Variants in PAXBP1 observed in about 807,000 individuals in gnomAD.
PAXBP1 encodes the protein PAX3- and PAX7-binding protein 1.
In PAXBP1, 44 loss-of-function variants were observed where a neutral mutation model predicts 119.9. The observed-to-expected ratio is 0.37, with a 90% CI of 0.29 to 0.47. The LOEUF (loss-of-function observed/expected upper bound fraction) is 0.47. PAXBP1 is among the 20% of genes least tolerant of loss of function. The pLI, the probability that PAXBP1 is intolerant of heterozygous loss-of-function variation, is 0.99. For missense variants in PAXBP1, 898 were observed against 1,134.1 expected (o/e 0.79, Z 2.99); for synonymous variants, 393 against 406.6 (o/e 0.97, Z 0.40).
At position 32,771,752 on chromosome 21, in the gene PAXBP1, CT is replaced by C; in HGVS notation, c.-85del. On this transcript the variant is annotated 5_prime_UTR_variant, in exon 1 of 18. Coordinates refer to ENST00000331923, the MANE Select transcript of PAXBP1 (RefSeq NM_016631.4). ...GAGCTCGTGACGGCGCACGCGCGCT[CT>C]CCGGAGCTCCAGCCGGGTCGAGTCC... The C allele has an allele frequency of 8.3e-7, 1 of 1,197,608 alleles. No homozygotes were observed. 74.2% of individuals were successfully genotyped at this position (1,197,608 alleles called of 1,614,324 possible).
In PAXBP1 at chr21:32,751,252, T is replaced by C. The variant is rs529360526; in HGVS notation, c.1508-34A>G. 4 of 1,595,522 alleles carry C rather than the reference T, an allele frequency of 2.5e-6. No individual in the cohort carries two copies. In the African/African-American group the frequency reaches 4.0e-5, roughly 16 times the overall value. The stretch of plus-strand genomic sequence containing the variant: ...CAACAACAGTTAAAATTAAAAGCCA[T>C]CTTTCAACAATCTTGAGGAAAGAGT... On this transcript the variant is annotated intron_variant, in intron 8 of 17. Coordinates refer to ENST00000331923, the MANE Select transcript of PAXBP1 (RefSeq NM_016631.4).
chr21:32,761,986 G>T, intron 4 of PAXBP1, 110 bp downstream of exon 4: 1 of 1,090,662 alleles, frequency 9.2e-7, no homozygotes, highest in Admixed American at 2.1e-5. Context: ...ACTGCAGTGA[G>T]CTATGATTGT....
intron 15 of PAXBP1, 74 bp downstream of exon 15, chr21:32,743,174 C>CA: frequency 8.6e-7 from 1 of 1,157,852 alleles, no homozygotes; most frequent in Non-Finnish European, 1.3e-6. Context: ...TAATAAAAAA[C>CA]AAAACACTCT....
rs1318736622 is a variant in PAXBP1 at position 32,759,205 on chromosome 21, G to C, written c.1258C>G (p.Arg420Gly). The C allele has an allele frequency of 6.2e-7, 1 of 1,613,988 alleles. No individual in the cohort carries two copies. The highest frequency in any genetic ancestry group is 1.7e-5 in the Admixed American group (1 of 60,014). The change falls in exon 7 of 18, where the codon CGA becomes GGA. Residue 420 changes from arginine (R) to glycine (G), a missense_variant. This residue lies in a region of PAXBP1 where 599 missense variants were observed against 852.7 expected (regional missense o/e 0.70). Coordinates refer to ENST00000331923, the MANE Select transcript of PAXBP1 (RefSeq NM_016631.4). ...RQQHEKHLQS[R>G]VDSTRAIERL... ...TCAATAGCCCTGGTAGAGTCCACTCGGCTTTGCAGATGTTTCTCATGCTGC... is the reference window on the plus strand; with the variant it reads ...TCAATAGCCCTGGTAGAGTCCACTCCGCTTTGCAGATGTTTCTCATGCTGC...
intron 3 of PAXBP1, among the ~76,000 whole-genome samples, chr21:32,763,994 C>CAAAAAAAAAAAAAAAAACAAAAAAAAAA (rs2044196515): frequency 9.8e-6 from 1 of 101,730 alleles, no homozygotes; most frequent in Non-Finnish European, 2.1e-5. Context: ...CCTCAAAAAG[C>CAAAAAAAAAAAAAAAAACAAAAAAAAAA]AAAAAAAAAA....
chr21:32,768,199 C>G (rs1388387960), intron 2 of PAXBP1, among the ~76,000 whole-genome samples: 1 of 152,210 alleles, frequency 6.6e-6, no homozygotes, highest in Non-Finnish European at 1.5e-5. Context: ...AGGATATTCT[C>G]TCTCTGTCTT....
At chr21:32,763,938 G>C (rs1002848487) in intron 3 of PAXBP1, among the ~76,000 whole-genome samples, 1 of 147,958 alleles carries the variant, frequency 6.8e-6, no homozygotes, top group African/African-American at 2.5e-5. Flanking sequence ...AGTGAGCTGA[G>C]ATCGTGCCAT....
chr21:32,740,972 G>T (rs1490306354), intron 15 of PAXBP1, among the ~76,000 whole-genome samples: 1 of 152,118 alleles, frequency 6.6e-6, no homozygotes, highest in Non-Finnish European at 1.5e-5. Context: ...ATAAGCACAT[G>T]AAAACGTCCT....
chr21:32,756,416 T>C lies in PAXBP1; in HGVS notation c.1384-1063A>G, dbSNP rs552617139. 1.2e-5 allele frequency: 6 copies of C among 491,806 alleles called. No homozygotes were observed. The East Asian group carries it at 3.0e-4, about 25-fold the overall frequency. 30.5% of individuals were successfully genotyped at this position (491,806 alleles called of 1,614,324 possible). On this transcript the variant is annotated intron_variant, in intron 7 of 17. Transcript: ENST00000331923. ...GGCAGGTGGAATACAGAGATGTCTG[T>C]AATAAAAGCAATTTTATATACTTGC...
Position 32,769,856 on chromosome 21 carries a change from C to G in PAXBP1, c.430G>C (p.Glu144Gln), listed in dbSNP as rs2044305762. 6.2e-7 allele frequency: 1 copy of G among 1,601,778 alleles called. No homozygotes were observed. The highest frequency in any genetic ancestry group is 8.5e-7 in the Non-Finnish European group (1 of 1,176,112). The change falls in exon 2 of 18, where the codon GAA (glutamate) becomes CAA (glutamine). Residue 144 changes from glutamate (E) to glutamine (Q), a missense_variant. Transcript: ENST00000331923. ...AGTTCTGTCTTAATCTTCGATTTTT[C>G]AAGATCTTCTTTATATTCCTTCTTG... is the stretch of plus-strand genomic sequence containing the variant. The part of the protein sequence containing the change: ...LLKKEYKEDL[E>Q]KSKIKTELNS...
intron 15 of PAXBP1, among the ~76,000 whole-genome samples, chr21:32,741,039 C>T (rs181338293): frequency 1.3e-5 from 2 of 152,226 alleles, no homozygotes; most frequent in Admixed American, 1.3e-4. Context: ...CACATTGCAC[C>T]CTGTAGAATG....
intron 12 of PAXBP1, 107 bp downstream of exon 12, chr21:32,745,467 C>T: frequency 6.8e-7 from 1 of 1,472,168 alleles, no homozygotes; most frequent in Non-Finnish European, 9.3e-7. Context: ...ACTATTATTT[C>T]TCATGTAATT....
At chr21:32,746,801 C>A (rs1459472850) in intron 11 of PAXBP1, among the ~76,000 whole-genome samples, 1 of 152,126 alleles carries the variant, frequency 6.6e-6, no homozygotes, top group Non-Finnish European at 1.5e-5. Flanking sequence ...TTCACTGCAG[C>A]ACTATTCACA....
intron 2 of PAXBP1, among the ~76,000 whole-genome samples, chr21:32,767,102 C>A (rs1355493322): frequency 1.3e-5 from 2 of 152,132 alleles, no homozygotes; most frequent in Non-Finnish European, 2.9e-5. Flanking sequence ...CAATAAGCAC[C>A]ACCCCCAAAT....
At chr21:32,748,938 CCA>C (rs1218813199) in intron 10 of PAXBP1, among the ~76,000 whole-genome samples, 1 of 152,184 alleles carries the variant, frequency 6.6e-6, no homozygotes, top group Non-Finnish European at 1.5e-5. Flanking sequence ...AATTTTTCTA[CCA>C]CAGTTTGGCT....
At chr21:32,771,302 G>C (rs747281428) in intron 1 of PAXBP1, 24 bp downstream of exon 1, 5 of 1,561,954 alleles carry the variant, frequency 3.2e-6, no homozygotes, top group Admixed American at 1.7e-5. Flanking sequence ...GGCCGTCTAA[G>C]GGCGTCCGAA....
chr21:32,755,326 C>A lies in PAXBP1; in HGVS notation c.1411G>T (p.Ala471Ser). Residue 471 changes from alanine to serine, a missense_variant, in exon 8 of 18, where the codon GCA (alanine) becomes TCA (serine). Transcript: ENST00000331923. ...KVPLINELES[A>S]IHQLYKQRAS... Reference sequence around the variant, plus strand: ...CGCTGTTTGTACAGCTGATGTATTGCTGATTCAAGTTCATTAATCAGTGGC... The same window carrying A: ...CGCTGTTTGTACAGCTGATGTATTGATGATTCAAGTTCATTAATCAGTGGC... The A allele has an allele frequency of 6.2e-7, 1 of 1,612,790 alleles. No homozygotes were observed. Among genetic ancestry groups the A allele is most frequent in the Non-Finnish European group, 8.5e-7 (1 of 1,179,432 alleles).
chr21:32,759,490 T>C, intron 6 of PAXBP1: 2 of 613,596 alleles, frequency 3.3e-6, no homozygotes, highest in South Asian at 2.3e-5. Context: ...ACTGTTTTGC[T>C]TTTCCCCCCA....
chr21:32,743,988 G>A (rs1161110893), intron 13 of PAXBP1, among the ~76,000 whole-genome samples: 2 of 152,186 alleles, frequency 1.3e-5, no homozygotes, highest in Non-Finnish European at 2.9e-5. Flanking sequence ...TCTACATAAA[G>A]ATTTAAGACC....
Sources: gnomAD v4.1 joint callset for allele counts (sites outside exome capture counted in the v4.1 genomes callset) on GRCh38, gnomAD v4.1.1 for gene constraint, gnomAD v4.1.1 regional missense constraint, MANE v1.5 for transcripts, NCBI Gene and HGNC (gene_info 2026-07-23, HGNC 2026-07-21) for gene names.